Variants in POMT1 observed in about 807,000 individuals in gnomAD.
POMT1 encodes the protein protein O-mannosyltransferase 1.
Under a neutral mutation model 101.6 loss-of-function variants are expected in POMT1, and 85 were observed. That is an observed-to-expected ratio of 0.84 (90% CI 0.70 to 1.00). The LOEUF (loss-of-function observed/expected upper bound fraction) is 1.00, where lower values mean the gene tolerates loss of function less well. Ranked by LOEUF, POMT1 falls within the 50% of genes least tolerant of loss-of-function variation. POMT1 has a pLI of 0.00. For missense variants in POMT1, 857 were observed against 930.4 expected, an observed-to-expected ratio of 0.92 and a Z score of 1.03; for synonymous variants, 371 against 383.0, an observed-to-expected ratio of 0.97 and a Z score of 0.37.
At chr9:131,520,546 G>A (rs1201103950) in intron 17 of POMT1, among the ~76,000 whole-genome samples, 1 of 152,202 alleles carries the variant, frequency 6.6e-6, no homozygotes. Context: ...CTCTCCACCC[G>A]GCAGAGTGAA....
intron 6 of POMT1, 119 bp downstream of exon 6, chr9:131,509,141 T>G (rs1427724740): frequency 2.7e-6 from 2 of 742,800 alleles, no homozygotes; most frequent in Non-Finnish European, 4.7e-6. Context: ...CTTTTCATTT[T>G]GAGGAGTTGC....
chr9:131,506,329 T>G (rs1418988983), intron 3 of POMT1, 74 bp from the exon 4 acceptor site: 1 of 1,556,210 alleles, frequency 6.4e-7, no homozygotes, highest in East Asian at 2.2e-5. Flanking sequence ...TTGATGCATC[T>G]TGTTTATTGC....
chr9:131,506,326 A>T (rs1945807242), intron 3 of POMT1, 77 bp from the exon 4 acceptor site: 1 of 1,553,238 alleles, frequency 6.4e-7, no homozygotes, highest in Admixed American at 1.7e-5. Flanking sequence ...TTATTGATGC[A>T]TCTTGTTTAT....
chr9:131,504,747 A>ATATGTGTGTGTG (rs56692415), intron 2 of POMT1, among the ~76,000 whole-genome samples: 2,446 of 122,674 alleles, frequency 0.02, 79 homozygotes, highest in South Asian at 0.049. Context: ...TAACTGATTA[A>ATATGTGTGTGTG]TGTGTGTATG....
At chr9:131,516,926 C>T (rs1358052924) in intron 13 of POMT1, 2 of 152,252 alleles carry the variant, frequency 1.3e-5, no homozygotes, top group East Asian at 3.8e-4. Flanking sequence ...ACCTTTCCTT[C>T]CAGCGACCAG....
At chr9:131,510,854 C>T in intron 9 of POMT1, 2 of 336,526 alleles carry the variant, frequency 5.9e-6, no homozygotes, top group South Asian at 5.0e-5. Flanking sequence ...GCAGTTTCAC[C>T]CGCCTTAAGG....
Position 131,522,337 on chromosome 9 carries a change from A to T in POMT1, c.2003+113A>T. 1 of 1,544,780 alleles carries T rather than the reference A, an allele frequency of 6.5e-7. No individual in the cohort carries two copies. Among genetic ancestry groups the T allele is most frequent in the Non-Finnish European group, 8.7e-7 (1 of 1,149,154 alleles). On this transcript the variant is annotated intron_variant, in intron 19 of 19. Transcript: ENST00000402686. This position sits in a 1 kb window ranked among gnomAD's most constrained non-coding sequence, Gnocchi z 5.5. ...ACCTCACCCATTTCACGTTACACTG[A>T]CATCCTCCGGGTCCCTCCGGGGAAT...
At position 131,511,429 on chromosome 9, in the gene POMT1, C is replaced by T; in HGVS notation, c.948C>T (p.Pro316=). 5 of 1,614,234 alleles carry T rather than the reference C, an allele frequency of 3.1e-6. No homozygotes were observed. The highest frequency in any genetic ancestry group is 4.2e-6 in the Non-Finnish European group (5 of 1,180,038). Residue 316 remains proline, a synonymous_variant, in exon 10 of 20, where the codon CCC becomes CCT. Transcript: ENST00000402686. The stretch of plus-strand genomic sequence containing the variant: ...GGAACGTCTTTGGGAAACCTGTGCC[C>T]TGCTGGCTTCATTCCCACCAGGACA... ...TLRNVFGKPV[P]CWLHSHQDTY...
rs140253076 is a variant in POMT1, at chr9:131,508,058, C to G, written c.427+544C>G. Among the ~76,000 whole-genome samples, 38 of 151,570 alleles carry G rather than the reference C, an allele frequency of 2.5e-4. No individual in the cohort carries two copies. In the East Asian group the frequency reaches 6.4e-3, roughly 26 times the overall value. On this transcript the variant is annotated intron_variant, in intron 5 of 19. Transcript: ENST00000402686. ...CCAGCCTGGCCAACATGGTGAAACCCTGTCTAAAAATAACGAAAAATACAA... is the reference window on the plus strand; with the variant it reads ...CCAGCCTGGCCAACATGGTGAAACCGTGTCTAAAAATAACGAAAAATACAA...
Position 131,519,407 on chromosome 9 carries a change from G to A in POMT1, c.1505G>A (p.Arg502Gln), listed in dbSNP as rs1174599967. 3.2e-6 allele frequency: 5 copies of A among 1,552,014 alleles called. No homozygotes were observed. The highest frequency in any genetic ancestry group is 1.4e-5 in the African/African-American group (1 of 73,258). The change falls in exon 16 of 20, where the codon CGG (arginine) becomes CAG (glutamine). Residue 502 changes from arginine to glutamine, a missense_variant. Coordinates refer to ENST00000402686, the MANE Select transcript of POMT1 (RefSeq NM_001077365.2). This position sits in a 1 kb window ranked among gnomAD's most constrained non-coding sequence, Gnocchi z 4.3. ...CTGCCAGGCCAGGAGCAGAGGGAGC[G>A]GGAACGGGAGCTGCACTCACCTGCG... ...RYGASQEQRE[R>Q]ERELHSPAQV...
At chr9:131,509,074 G>A (rs1309016432) in intron 6 of POMT1, 52 bp downstream of exon 6, 1 of 1,376,514 alleles carries the variant, frequency 7.3e-7, no homozygotes, top group Admixed American at 1.7e-5. Context: ...ATTCTGGGTG[G>A]TTTGTTGATC....
At position 131,522,642 on chromosome 9, in the gene POMT1, C is replaced by T; in HGVS notation, c.2004-290C>T. 1 of 557,976 alleles carries T rather than the reference C, an allele frequency of 1.8e-6. No homozygotes were observed. The highest frequency in any genetic ancestry group is 3.2e-6 in the Non-Finnish European group (1 of 310,856). 34.6% of individuals were successfully genotyped at this position (557,976 alleles called of 1,614,324 possible). A position where few individuals can be genotyped will look rare whatever the true frequency, so the allele number is the denominator to read the frequency against. ...GGTTGGAGCAGAGGGCGAGGGCCTC[C>T]CGGTTTCAGGAAGCCACACAAGGGA... On this transcript the variant is annotated intron_variant, in intron 19 of 19. Coordinates refer to ENST00000402686, the MANE Select transcript of POMT1 (RefSeq NM_001077365.2). The surrounding 1 kb of genome is among the most constrained non-coding windows in gnomAD (Gnocchi z 5.5).
At chr9:131,509,613 C>T (rs1946645767) in intron 6 of POMT1, 130 bp from the exon 7 acceptor site, 1 of 1,563,910 alleles carries the variant, frequency 6.4e-7, no homozygotes, top group Middle Eastern at 2.2e-4. Context: ...GGAATTCTTT[C>T]TTACTGCCCC....
At position 131,504,636 on chromosome 9, in the gene POMT1, TA is replaced by T. The variant is rs144684044; in HGVS notation, c.122+298del. ...TTTTAAAGTCTGGACGGCAGAGGATTAATGGATTTGGAAGTAAGTCTTCACT... is the reference window on the plus strand; with the variant it reads ...TTTTAAAGTCTGGACGGCAGAGGATTATGGATTTGGAAGTAAGTCTTCACT... On this transcript the variant is annotated intron_variant, in intron 2 of 19. Transcript: ENST00000402686. Among the ~76,000 whole-genome samples the T allele has an allele frequency of 6.2e-3, 945 of 152,224 alleles. 6 individuals carry two copies. Among genetic ancestry groups the T allele is most frequent in the African/African-American group, 0.021 (856 of 41,518 alleles).
intron 13 of POMT1, among the ~76,000 whole-genome samples, chr9:131,517,458 T>A (rs10793883): frequency 6.6e-6 from 1 of 151,790 alleles, no homozygotes; most frequent in Admixed American, 6.6e-5. Flanking sequence ...TAAAATTTTT[T>A]GTGGAGATGG....
At chr9:131,512,516 T>C (rs992191114) in intron 11 of POMT1, among the ~76,000 whole-genome samples, 3 of 152,106 alleles carry the variant, frequency 2.0e-5, no homozygotes, top group African/African-American at 7.2e-5. Flanking sequence ...CCAAACAAGG[T>C]CTCTAGCTGT....
In POMT1 at chr9:131,511,466, A is replaced by G; in HGVS notation, c.985A>G (p.Ile329Val). The G allele has an allele frequency of 6.2e-7, 1 of 1,614,130 alleles. No individual in the cohort carries two copies. The highest frequency in any genetic ancestry group is 8.5e-7 in the Non-Finnish European group (1 of 1,179,988). Residue 329 changes from isoleucine to valine, a missense_variant and splice_region_variant, in exon 10 of 20, where the codon ATA (isoleucine) becomes GTA (valine). By Grantham distance (29) the Ile-to-Val change is conservative. Coordinates refer to ENST00000402686, the MANE Select transcript of POMT1 (RefSeq NM_001077365.2). ...TTCCCACCAGGACACCTACCCCATG[A>G]TGTAAGGTGATGGTTTTACTTTGAA... ...LHSHQDTYPM[I>V]YENGRGSSHQ...
chr9:131,513,115 G>C lies in POMT1; in HGVS notation c.1083-124G>C. 3.9e-6 allele frequency: 3 copies of C among 779,104 alleles called. No individual in the cohort carries two copies. In the South Asian group the frequency reaches 4.3e-5, roughly 11 times the overall value. The allele number at this position is 779,104 out of a possible 1,614,324, so 48.3% of individuals were successfully genotyped here. On this transcript the variant is annotated intron_variant, in intron 11 of 19. Transcript: ENST00000402686. The stretch of plus-strand genomic sequence containing the variant: ...CTTTGGTTTCCTGTGTTCACCTCAT[G>C]TGAGGCACACATGGGTTGGGAGGCA...
chr9:131,506,189 G>A lies in POMT1; in HGVS notation c.198G>A (p.Pro66=), dbSNP rs369877185. 57 of 1,613,994 alleles carry A rather than the reference G, an allele frequency of 3.5e-5. No individual in the cohort carries two copies. The highest frequency in any genetic ancestry group is 4.0e-5 in the African/African-American group (3 of 74,902). The part of the protein sequence containing the change: ...KQIFFLDDSG[P]PFGHMVLALG... Reference sequence around the variant, plus strand: ...TCTTCTTCTTGGATGACAGTGGGCCGCCATTTGGCCACATGGTGCTGGCCT... The same window carrying A: ...TCTTCTTCTTGGATGACAGTGGGCCACCATTTGGCCACATGGTGCTGGCCT... Residue 66 remains proline (P), a synonymous_variant, in exon 3 of 20, where the codon CCG becomes CCA. Transcript: ENST00000402686.
Sources: allele counts gnomAD v4.1 joint callset (sites outside exome capture counted in the v4.1 genomes callset), GRCh38; gene constraint gnomAD v4.1.1; non-coding constraint Gnocchi (gnomAD v3.1); transcripts MANE v1.5; gene names NCBI Gene and HGNC (gene_info 2026-07-23, HGNC 2026-07-21).